Variants in CNOT4 observed in about 807,000 individuals in gnomAD.
CNOT4 encodes the protein CCR4-associated factor 4.
A neutral mutation model predicts 73.8 loss-of-function variants in CNOT4; 8 were observed. That is an observed-to-expected ratio of 0.11 (90% CI 0.06 to 0.20). CNOT4 has a LOEUF of 0.20. Among genes scored for constraint, CNOT4 ranks in the 10% least tolerant of loss-of-function variants. The probability of loss-of-function intolerance (pLI) is 1.00; values close to 1 mark genes in which losing one functional copy is unlikely to be tolerated. For missense variants in CNOT4, 564 were observed against 883.4 expected (o/e 0.64, Z 4.58); for synonymous variants, 293 against 321.1 (o/e 0.91, Z 0.94).
chr7:135,435,180 T>C (rs536927668), intron 2 of CNOT4, among the ~76,000 whole-genome samples: 1 of 152,196 alleles, frequency 6.6e-6, no homozygotes. Flanking sequence ...AATTTCACAA[T>C]TATATAAACA....
At chr7:135,442,223 C>T (rs1228908730) in intron 1 of CNOT4, among the ~76,000 whole-genome samples, 2 of 152,138 alleles carry the variant, frequency 1.3e-5, no homozygotes, top group South Asian at 2.1e-4. Flanking sequence ...GCTTTGAAAT[C>T]GACTCTCCAA....
At chr7:135,508,845 T>C (rs1804543034) in intron 1 of CNOT4, among the ~76,000 whole-genome samples, 1 of 152,164 alleles carries the variant, frequency 6.6e-6, no homozygotes, top group African/African-American at 2.4e-5. Flanking sequence ...TAATATTTAT[T>C]GGTATAAATC....
intron 3 of CNOT4, 70 bp from the exon 4 acceptor site, chr7:135,415,332 A>G (rs1236075146): frequency 2.6e-6 from 2 of 761,088 alleles, no homozygotes; most frequent in Non-Finnish European, 4.4e-6. Context: ...TAATGGAGAC[A>G]TTCATCATCC....
intron 1 of CNOT4, among the ~76,000 whole-genome samples, chr7:135,457,930 G>A (rs556810841): frequency 3.5e-4 from 54 of 152,184 alleles, no homozygotes; most frequent in African/African-American, 1.3e-3. Context: ...TCTCCTTTGT[G>A]TAAATCATAG....
rs372323497 is a variant in CNOT4, at chr7:135,415,160, C to G, written c.459+16G>C. On this transcript the variant is annotated intron_variant, in intron 4 of 11. Transcript: ENST00000541284. Reference sequence around the variant, plus strand: ...GACCATAGGGAGGAAAAGCAAAAATCCCTAAAATTAGTTACCTGTGAGCCT... The same window carrying G: ...GACCATAGGGAGGAAAAGCAAAAATGCCTAAAATTAGTTACCTGTGAGCCT... 15 of 1,522,748 alleles carry G rather than the reference C, an allele frequency of 9.9e-6. No individual in the cohort carries two copies. The African/African-American group carries it at 2.1e-4, about 21-fold the overall frequency. 94.3% of individuals were successfully genotyped at this position (1,522,748 alleles called of 1,614,324 possible). A position where few individuals can be genotyped will look rare whatever the true frequency, so the allele number is the denominator to read the frequency against.
chr7:135,427,121 A>C (rs1223876732), intron 2 of CNOT4, among the ~76,000 whole-genome samples: 3 of 152,204 alleles, frequency 2.0e-5, no homozygotes, highest in Admixed American at 2.0e-4. Flanking sequence ...TATTTTTAAT[A>C]GTTATAAACT....
At chr7:135,404,202 A>C (rs1029100600) in intron 7 of CNOT4, among the ~76,000 whole-genome samples, 2 of 152,242 alleles carry the variant, frequency 1.3e-5, no homozygotes, top group Admixed American at 6.5e-5. Context: ...AATAAGGAAG[A>C]TTCTGAGATA....
intron 1 of CNOT4, among the ~76,000 whole-genome samples, chr7:135,490,607 G>A (rs1002759336): frequency 1.8e-4 from 27 of 152,158 alleles, no homozygotes; most frequent in African/African-American, 4.8e-4. Context: ...GAGAAAAGAG[G>A]GAGGCTATGA....
At chr7:135,506,918 A>T (rs1233413892) in intron 1 of CNOT4, among the ~76,000 whole-genome samples, 1 of 152,152 alleles carries the variant, frequency 6.6e-6, no homozygotes, top group Non-Finnish European at 1.5e-5. Flanking sequence ...AACAACAAAA[A>T]GATAAATTTA....
chr7:135,434,994 T>C (rs1264170240), intron 2 of CNOT4, among the ~76,000 whole-genome samples: 2 of 152,218 alleles, frequency 1.3e-5, no homozygotes, highest in South Asian at 2.1e-4. Context: ...TTAATAAAAT[T>C]GAGAGCTCTC....
chr7:135,459,309 G>A (rs1272478825), intron 1 of CNOT4, among the ~76,000 whole-genome samples: 1 of 152,052 alleles, frequency 6.6e-6, no homozygotes, highest in Non-Finnish European at 1.5e-5. Flanking sequence ...ATTCTCTCAT[G>A]CCTCACAAAA....
At chr7:135,365,826 C>T (rs1260299459) in intron 10 of CNOT4, among the ~76,000 whole-genome samples, 2 of 152,274 alleles carry the variant, frequency 1.3e-5, no homozygotes, top group East Asian at 3.9e-4. Flanking sequence ...AAAAATTCTG[C>T]TCAAGAATAC....
intron 1 of CNOT4, among the ~76,000 whole-genome samples, chr7:135,484,268 T>C (rs1022669749): frequency 1.3e-5 from 2 of 152,098 alleles, no homozygotes; most frequent in Non-Finnish European, 2.9e-5. Flanking sequence ...TAAAACAAGA[T>C]TGGCTGTTCT....
At chr7:135,499,197 G>A (rs1224492380) in intron 1 of CNOT4, among the ~76,000 whole-genome samples, 3 of 152,258 alleles carry the variant, frequency 2.0e-5, no homozygotes, top group Admixed American at 2.0e-4. Flanking sequence ...GAGACGGAGA[G>A]ATTAAAACAA....
chr7:135,447,340 C>A (rs1281472365), intron 1 of CNOT4, among the ~76,000 whole-genome samples: 7 of 152,106 alleles, frequency 4.6e-5, no homozygotes, highest in African/African-American at 1.7e-4. Context: ...GCCAAAGTAC[C>A]AATGTATATC....
intron 1 of CNOT4, among the ~76,000 whole-genome samples, chr7:135,478,657 C>A (rs1469606756): frequency 6.6e-6 from 1 of 152,034 alleles, no homozygotes; most frequent in African/African-American, 2.4e-5. Context: ...GAGCAGAGAT[C>A]GCACCACTGC....
intron 3 of CNOT4, among the ~76,000 whole-genome samples, chr7:135,421,377 C>G (rs1463854338): frequency 6.6e-6 from 1 of 152,090 alleles, no homozygotes; most frequent in Non-Finnish European, 1.5e-5. Flanking sequence ...CCAAAACCAG[C>G]TCTCTCCTAC....
At chr7:135,415,340 T>A (rs1039752982) in intron 3 of CNOT4, 78 bp from the exon 4 acceptor site, 3 of 701,310 alleles carry the variant, frequency 4.3e-6, no homozygotes, top group East Asian at 5.5e-5. Flanking sequence ...ACATTCATCA[T>A]CCCTCTTCAG....
At chr7:135,458,244 T>C (rs1051687957) in intron 1 of CNOT4, among the ~76,000 whole-genome samples, 5 of 152,122 alleles carry the variant, frequency 3.3e-5, no homozygotes, top group Non-Finnish European at 7.4e-5. Context: ...ATATCACATA[T>C]GCAATAGCAT....
Sources: gnomAD v4.1 joint callset for allele counts (sites outside exome capture counted in the v4.1 genomes callset) on GRCh38, gnomAD v4.1.1 for gene constraint, MANE v1.5 for transcripts, NCBI Gene and HGNC (gene_info 2026-07-23, HGNC 2026-07-21) for gene names.